The following IQCM variants were observed in gnomAD, a reference collection of about 807,000 sequenced individuals.
IQCM encodes IQ domain-containing protein M.
IQCM carries 45 observed loss-of-function variants against 57.6 expected under a neutral mutation model. The observed-to-expected ratio is 0.78, with a 90% CI of 0.62 to 1.00. The LOEUF is 1.00. Among genes scored for constraint, IQCM ranks in the 50% least tolerant of loss-of-function variants. The pLI, the probability that IQCM is intolerant of heterozygous loss-of-function variation, is 0.00. For missense variants in IQCM, 468 were observed against 511.6 expected (o/e 0.91, Z 0.82); for synonymous variants, 148 against 158.9 (o/e 0.93, Z 0.51).
intron 12 of IQCM, among the ~76,000 whole-genome samples, chr4:149,509,907 C>A (rs910776646): frequency 3.3e-5 from 5 of 152,024 alleles, no homozygotes; most frequent in Middle Eastern, 3.2e-3. Flanking sequence ...TAATAACTTT[C>A]TTTTCATTTC....
At chr4:149,581,867 G>T (rs1752212940) in intron 9 of IQCM, among the ~76,000 whole-genome samples, 1 of 151,562 alleles carries the variant, frequency 6.6e-6, no homozygotes, top group Admixed American at 6.6e-5. Flanking sequence ...TTTGTCTAGG[G>T]CTGGTCATGT....
chr4:149,727,429 C>G (rs1449353149), intron 5 of IQCM, among the ~76,000 whole-genome samples: 2 of 152,114 alleles, frequency 1.3e-5, no homozygotes, highest in African/African-American at 4.8e-5. Flanking sequence ...AATCTTTCAG[C>G]AAGTACTGAC....
At chr4:149,631,820 C>T (rs1757290869) in intron 7 of IQCM, among the ~76,000 whole-genome samples, 2 of 152,002 alleles carry the variant, frequency 1.3e-5, no homozygotes, top group South Asian at 4.1e-4. Flanking sequence ...GCCATTGTAC[C>T]TAAACCATGG....
intron 12 of IQCM, among the ~76,000 whole-genome samples, chr4:149,486,017 G>GACTCTCTCTCTCTCTC (rs1741444937): frequency 8.2e-6 from 1 of 121,598 alleles, no homozygotes; most frequent in Non-Finnish European, 1.8e-5. Flanking sequence ...AGCAAACAGA[G>GACTCTCTCTCTCTCTC]TCTCTCTCTC....
intron 12 of IQCM, among the ~76,000 whole-genome samples, chr4:149,490,045 A>G (rs1268432347): frequency 6.6e-6 from 1 of 152,000 alleles, no homozygotes; most frequent in East Asian, 1.9e-4. Context: ...AGCTCTACAA[A>G]CACTAGAAGC....
chr4:149,549,557 G>C (rs1209733444), intron 11 of IQCM, among the ~76,000 whole-genome samples: 1 of 150,856 alleles, frequency 6.6e-6, no homozygotes, highest in Non-Finnish European at 1.5e-5. Context: ...TATAAGTATA[G>C]TTTTCCATAA....
chr4:149,603,600 G>A (rs1201586445), intron 8 of IQCM, among the ~76,000 whole-genome samples: 1 of 151,878 alleles, frequency 6.6e-6, no homozygotes, highest in Non-Finnish European at 1.5e-5. Context: ...CTTGCCTGTG[G>A]TAGAAAAAGT....
chr4:149,579,288 G>C (rs1182778270), intron 9 of IQCM, among the ~76,000 whole-genome samples: 1 of 151,780 alleles, frequency 6.6e-6, no homozygotes, highest in Non-Finnish European at 1.5e-5. Flanking sequence ...TTATGAGTGA[G>C]GAAGTACACT....
At chr4:149,511,171 G>T (rs967353192) in intron 12 of IQCM, among the ~76,000 whole-genome samples, 1 of 151,842 alleles carries the variant, frequency 6.6e-6, no homozygotes, top group Non-Finnish European at 1.5e-5. Flanking sequence ...CTCTAATTTC[G>T]CTGAGTTAAA....
intron 13 of IQCM, among the ~76,000 whole-genome samples, chr4:149,386,596 T>G (rs1199301317): frequency 6.6e-6 from 1 of 152,104 alleles, no homozygotes; most frequent in Non-Finnish European, 1.5e-5. Context: ...TATTCAAAAC[T>G]GTTCATTTGT....
intron 5 of IQCM, among the ~76,000 whole-genome samples, chr4:149,707,509 T>C (rs189366066): frequency 5.9e-4 from 90 of 152,056 alleles, no homozygotes; most frequent in Admixed American, 5.4e-3. Context: ...AGGCATTTTC[T>C]CAGGGCATCC....
At chr4:149,711,039 T>G (rs1258988658) in intron 5 of IQCM, 3 of 152,190 alleles carry the variant, frequency 2.0e-5, no homozygotes, top group Admixed American at 2.0e-4. Context: ...TGCTACAGGA[T>G]ATAACTGGCA....
At chr4:149,566,404 A>T (rs1163173174) in intron 9 of IQCM, among the ~76,000 whole-genome samples, 1 of 152,174 alleles carries the variant, frequency 6.6e-6, no homozygotes, top group African/African-American at 2.4e-5. Flanking sequence ...TATTGAAGTG[A>T]CAGCTCTAGG....
chr4:149,625,092 C>T (rs1289486779), intron 7 of IQCM, among the ~76,000 whole-genome samples: 1 of 152,158 alleles, frequency 6.6e-6, no homozygotes, highest in Non-Finnish European at 1.5e-5. Flanking sequence ...AAAGGGGTGG[C>T]AAACTAGAGT....
At chr4:149,369,517 C>G (rs1578825291) in intron 13 of IQCM, among the ~76,000 whole-genome samples, 1 of 152,254 alleles carries the variant, frequency 6.6e-6, no homozygotes, top group African/African-American at 2.4e-5. Flanking sequence ...CCTTAACCTT[C>G]ATTTGTTTTA....
At chr4:149,792,942 C>T (rs17026442) in intron 2 of IQCM, among the ~76,000 whole-genome samples, 19,172 of 152,116 alleles carry the variant, frequency 0.13, 2,616 homozygotes, top group African/African-American at 0.3. Context: ...CATCTCAGCA[C>T]GGGAACAATG....
intron 12 of IQCM, among the ~76,000 whole-genome samples, chr4:149,530,643 T>G (rs1268186317): frequency 1.3e-5 from 2 of 152,194 alleles, no homozygotes; most frequent in African/African-American, 4.8e-5. Flanking sequence ...TTACCACTGA[T>G]AGTTACCACT....
chr4:149,610,307 C>T (rs1314907202), intron 8 of IQCM, among the ~76,000 whole-genome samples: 2 of 151,882 alleles, frequency 1.3e-5, no homozygotes, highest in African/African-American at 2.4e-5. Context: ...CTACCCAAAG[C>T]AATCTACAAA....
chr4:149,594,063 T>A (rs1753508048), intron 8 of IQCM, among the ~76,000 whole-genome samples: 2 of 152,300 alleles, frequency 1.3e-5, no homozygotes, highest in Admixed American at 1.3e-4. Context: ...TCTGGTAGAA[T>A]TTGGCTGTGA....
Sources: gnomAD v4.1 joint callset for allele counts (sites outside exome capture counted in the v4.1 genomes callset) on GRCh38, gnomAD v4.1.1 for gene constraint, MANE v1.5 for transcripts, NCBI Gene and HGNC (gene_info 2026-07-23, HGNC 2026-07-21) for gene names.